The following VASH2 variants were observed in gnomAD, a reference collection of about 807,000 sequenced individuals.
The protein encoded by VASH2 is tubulinyl-Tyr carboxypeptidase 2.
A neutral mutation model predicts 37.2 loss-of-function variants in VASH2; 28 were observed. The ratio of observed to expected loss-of-function variants is 0.75; its 90% confidence interval spans 0.56 to 1.03. VASH2 has a LOEUF of 1.03. Among genes scored for constraint, VASH2 ranks in the 50% least tolerant of loss-of-function variants. VASH2 has a pLI of 0.00. For synonymous variants in VASH2, 188 were observed against 174.7 expected (o/e 1.08, Z -0.60); for missense variants, 419 against 459.1 (o/e 0.91, Z 0.80).
Position 212,974,039 on chromosome 1 carries a change from C to T in VASH2, c.964C>T (p.Pro322Ser). ...SLSPRRRQAS[P>S]PRRLGRREKS... ...GTCCCCCAGAAGGAGACAGGCAAGC[C>T]CCCCGAGGAGGCTCGGCCGGCGAGA... The change falls in exon 7 of 8, where the codon CCC becomes TCC. Residue 322 changes from proline to serine, a missense_variant. Physicochemically the swap from Pro to Ser is moderately conservative, Grantham distance 74. Transcript: ENST00000517399. 1 of 1,613,652 alleles carries T rather than the reference C, an allele frequency of 6.2e-7. No homozygotes were observed. Among genetic ancestry groups the T allele is most frequent in the South Asian group, 1.1e-5 (1 of 91,034 alleles).
At position 212,957,178 on chromosome 1, in the gene VASH2, C is replaced by T. The variant is rs796787617; in HGVS notation, c.277-3988C>T. On this transcript the variant is annotated intron_variant, in intron 2 of 7. Transcript: ENST00000517399. ...TTAGCAAAATGTCATCAAGGTTCATCTATGTGATAGCATGTGTCAAAACGT... is the reference window on the plus strand; with the variant it reads ...TTAGCAAAATGTCATCAAGGTTCATTTATGTGATAGCATGTGTCAAAACGT... Among the ~76,000 whole-genome samples the T allele has an allele frequency of 2.0e-5, 3 of 152,236 alleles. No homozygotes were observed. In the South Asian group the frequency reaches 6.2e-4, roughly 31 times the overall value.
chr1:212,967,140 C>T (rs1231006628), intron 5 of VASH2: 39 of 1,304,422 alleles, frequency 3.0e-5, no homozygotes, highest in Non-Finnish European at 3.9e-5. Context: ...AAGGGTCTAG[C>T]TTCTCCCACA....
chr1:212,958,504 G>A (rs1278588621), intron 2 of VASH2, among the ~76,000 whole-genome samples: 2 of 152,162 alleles, frequency 1.3e-5, no homozygotes, highest in Non-Finnish European at 2.9e-5. Flanking sequence ...AGCTCTTGTG[G>A]GCTCTGCTGG....
At chr1:212,977,394 G>C (rs1389075400) in intron 7 of VASH2, among the ~76,000 whole-genome samples, 1 of 152,176 alleles carries the variant, frequency 6.6e-6, no homozygotes, top group Admixed American at 6.5e-5. Context: ...TCTAGAATTG[G>C]AAGAGACCAG....
intron 7 of VASH2, among the ~76,000 whole-genome samples, chr1:212,987,258 CTT>C (rs148744740): frequency 1.1e-4 from 16 of 140,200 alleles, no homozygotes; most frequent in Admixed American, 2.1e-4. Flanking sequence ...TCTTTTTGGT[CTT>C]TTTTTTTTTT....
chr1:212,964,030 T>C (rs1666760370), intron 3 of VASH2, among the ~76,000 whole-genome samples: 1 of 152,192 alleles, frequency 6.6e-6, no homozygotes, highest in African/African-American at 2.4e-5. Context: ...CAAGACTGTA[T>C]GGTTAGTTGT....
At position 212,951,301 on chromosome 1, in the gene VASH2, C is replaced by G. The variant is rs887339503; in HGVS notation, c.-204-38C>G. ...CTCACTCGGTTCCGCTGTGCGTCCA[C>G]TTAGCTGTGGTGTCAGCTGTGTCTC... is the stretch of plus-strand genomic sequence containing the variant. On this transcript the variant is annotated intron_variant, in intron 1 of 7. Coordinates refer to ENST00000517399, the MANE Select transcript of VASH2 (RefSeq NM_001301056.2). This position sits in a 1 kb window ranked among gnomAD's most constrained non-coding sequence, Gnocchi z 4.4. 11 of 155,422 alleles carry G rather than the reference C, an allele frequency of 7.1e-5. No individual in the cohort carries two copies. In the Admixed American group the frequency reaches 7.2e-4, roughly 10 times the overall value. 9.6% of individuals were successfully genotyped at this position (155,422 alleles called of 1,614,324 possible). A position where few individuals can be genotyped will look rare whatever the true frequency, so the allele number is the denominator to read the frequency against.
rs1394570634 is a variant in VASH2, at chr1:212,971,397, C to T, written c.498-1183C>T. ...TGATCACATTGTGTGCATTCTGAGT[C>T]CATCTCCCACCAGACCTCCGGAGAA... On this transcript the variant is annotated intron_variant, in intron 5 of 7. Coordinates refer to ENST00000517399, the MANE Select transcript of VASH2 (RefSeq NM_001301056.2). The surrounding 1 kb of genome is among the most constrained non-coding windows in gnomAD (Gnocchi z 4.0). 6.6e-6 allele frequency among the ~76,000 whole-genome samples: 1 copy of T among 152,180 alleles called. No homozygotes were observed. The highest frequency in any genetic ancestry group is 2.4e-5 in the African/African-American group (1 of 41,432).
chr1:212,988,604 A>G lies in VASH2; in HGVS notation c.*20A>G, dbSNP rs756068553. 6.2e-7 allele frequency: 1 copy of G among 1,613,850 alleles called. No individual in the cohort carries two copies. The highest frequency in any genetic ancestry group is 8.5e-7 in the Non-Finnish European group (1 of 1,179,756). Reference sequence around the variant, plus strand: ...ATTTAGCCAAGCCATACCGGCCAGCAAGAGGGTTTCTGTGGTGCTTCTCTC... The same window carrying G: ...ATTTAGCCAAGCCATACCGGCCAGCGAGAGGGTTTCTGTGGTGCTTCTCTC... On this transcript the variant is annotated 3_prime_UTR_variant, in exon 8 of 8. Coordinates refer to ENST00000517399, the MANE Select transcript of VASH2 (RefSeq NM_001301056.2).
intron 2 of VASH2, among the ~76,000 whole-genome samples, chr1:212,957,769 C>T (rs1329150307): frequency 1.3e-5 from 2 of 152,110 alleles, no homozygotes; most frequent in East Asian, 3.9e-4. Flanking sequence ...TACCACCATG[C>T]CCAGCTGATT....
At chr1:212,972,988 A>G in intron 6 of VASH2, 27 bp downstream of exon 6, 1 of 1,596,188 alleles carries the variant, frequency 6.3e-7, no homozygotes, top group South Asian at 1.1e-5. Flanking sequence ...CAAGGAAGCC[A>G]TGCAGGAGAG....
intron 2 of VASH2, among the ~76,000 whole-genome samples, chr1:212,960,643 G>A (rs118151957): frequency 0.02 from 3,032 of 152,326 alleles, 175 homozygotes; most frequent in Admixed American, 0.13. Context: ...ACACGCCTTG[G>A]CCTCCCAAAG....
At chr1:212,986,498 C>CT (rs1207200184) in intron 7 of VASH2, among the ~76,000 whole-genome samples, 1 of 152,190 alleles carries the variant, frequency 6.6e-6, no homozygotes, top group African/African-American at 2.4e-5. Flanking sequence ...TGTGTAAGAA[C>CT]CCTAGTTCTG....
chr1:212,958,891 T>C (rs1396298089), intron 2 of VASH2, among the ~76,000 whole-genome samples: 5 of 151,930 alleles, frequency 3.3e-5, no homozygotes, highest in African/African-American at 1.2e-4. Context: ...TTTTCTTTCT[T>C]TCTTTCTTTC....
intron 7 of VASH2, among the ~76,000 whole-genome samples, chr1:212,981,398 G>C (rs939690142): frequency 2.6e-5 from 4 of 152,162 alleles, no homozygotes; most frequent in Non-Finnish European, 5.9e-5. Flanking sequence ...CCCTTTCCCT[G>C]TGTCCGTCCA....
At chr1:212,967,080 G>C (rs776188325) in intron 5 of VASH2, 2 of 1,303,276 alleles carry the variant, frequency 1.5e-6, no homozygotes, top group South Asian at 1.2e-5. Flanking sequence ...GTGTGGAGGA[G>C]ACCAAGCAGT....
At position 212,951,848 on chromosome 1, in the gene VASH2, G is replaced by A. The variant is rs776643212; in HGVS notation, c.276+30G>A. On this transcript the variant is annotated intron_variant, in intron 2 of 7. Coordinates refer to ENST00000517399, the MANE Select transcript of VASH2 (RefSeq NM_001301056.2). The surrounding 1 kb of genome is among the most constrained non-coding windows in gnomAD (Gnocchi z 4.4). ...GTGGCTTCCAGGGCGGAGTTGGGGG[G>A]CTGGGGGTAGGTAGGCAGCGATGGG... The A allele has an allele frequency of 1.9e-6, 3 of 1,583,320 alleles. No homozygotes were observed. The highest frequency in any genetic ancestry group is 2.3e-5 in the East Asian group (1 of 44,266).
At position 212,951,954 on chromosome 1, in the gene VASH2, C is replaced by A; in HGVS notation, c.276+136C>A. 1 of 1,077,352 alleles carries A rather than the reference C, an allele frequency of 9.3e-7. No homozygotes were observed. Among genetic ancestry groups the A allele is most frequent in the Non-Finnish European group, 1.3e-6 (1 of 770,218 alleles). 66.7% of individuals were successfully genotyped at this position (1,077,352 alleles called of 1,614,324 possible). A position where few individuals can be genotyped will look rare whatever the true frequency, so the allele number is the denominator to read the frequency against. ...TACAAACTCCCTTCCTCTCCCCATT[C>A]CTTCCTGCCAGCCCTTTTCTAATTG... On this transcript the variant is annotated intron_variant, in intron 2 of 7. Transcript: ENST00000517399. The surrounding 1 kb of genome is among the most constrained non-coding windows in gnomAD (Gnocchi z 4.4).
chr1:212,985,013 A>G (rs986788448), intron 7 of VASH2, among the ~76,000 whole-genome samples: 2 of 151,936 alleles, frequency 1.3e-5, no homozygotes, highest in Non-Finnish European at 2.9e-5. Context: ...TGTAGCTTAA[A>G]CATAATTCAC....
Sources: allele counts gnomAD v4.1 joint callset (sites outside exome capture counted in the v4.1 genomes callset), GRCh38; gene constraint gnomAD v4.1.1; non-coding constraint Gnocchi (gnomAD v3.1); transcripts MANE v1.5; gene names NCBI Gene and HGNC (gene_info 2026-07-23, HGNC 2026-07-21).